The following RCL1 variants were observed in gnomAD, a reference collection of about 807,000 sequenced individuals.
The protein encoded by RCL1 is RNA terminal phosphate cyclase like 1.
A neutral mutation model predicts 42.4 loss-of-function variants in RCL1; 24 were observed. The ratio of observed to expected loss-of-function variants is 0.57; its 90% CI spans 0.41 to 0.80. The LOEUF is 0.80. RCL1 is among the 30% of genes least tolerant of loss of function. The pLI, the probability that RCL1 is intolerant of heterozygous loss-of-function variation, is 0.00. For synonymous variants in RCL1, 228 were observed against 177.3 expected, an observed-to-expected ratio of 1.29 and a Z score of -2.27; for missense variants, 578 against 467.9, an observed-to-expected ratio of 1.24 and a Z score of -2.17.
intron 7 of RCL1, among the ~76,000 whole-genome samples, chr9:4,849,111 A>G (rs1165947489): frequency 6.7e-6 from 1 of 148,542 alleles, no homozygotes; most frequent in Non-Finnish European, 1.5e-5. Flanking sequence ...TTTTTTGCAT[A>G]TACTCAATAA....
intron 1 of RCL1, among the ~76,000 whole-genome samples, chr9:4,800,363 C>G (rs1222582315): frequency 6.6e-6 from 1 of 151,864 alleles, no homozygotes; most frequent in East Asian, 1.9e-4. Flanking sequence ...TACAGGCACC[C>G]ACCACCATGC....
chr9:4,814,056 G>A (rs1052874480), intron 1 of RCL1, among the ~76,000 whole-genome samples: 3 of 151,936 alleles, frequency 2.0e-5, no homozygotes, highest in East Asian at 3.9e-4. Flanking sequence ...GGGGAATGAC[G>A]AGTTAATGGG....
chr9:4,815,530 G>A (rs1242560481), intron 1 of RCL1, among the ~76,000 whole-genome samples: 1 of 151,920 alleles, frequency 6.6e-6, no homozygotes, highest in Non-Finnish European at 1.5e-5. Context: ...TGGGGTAGGG[G>A]TAGGTGGAGT....
chr9:4,802,267 G>A (rs1224838937), intron 1 of RCL1, among the ~76,000 whole-genome samples: 3 of 151,950 alleles, frequency 2.0e-5, no homozygotes, highest in Admixed American at 2.0e-4. Context: ...GCTGTCTAAT[G>A]AGTCTTGAAG....
In RCL1 at chr9:4,812,260, A is replaced by G. The variant is rs77162281; in HGVS notation, c.137-11288A>G. On this transcript the variant is annotated intron_variant, in intron 1 of 8. Coordinates refer to ENST00000381750, the MANE Select transcript of RCL1 (RefSeq NM_005772.5). ...GGTCTTCTCCAGAAAATGTTTGCCC[A>G]GAGTAAACGTCCTGTAATGCTTCCC... Among the ~76,000 whole-genome samples the G allele has an allele frequency of 1.7e-3, 265 of 152,236 alleles. 1 individual carries two copies. The highest frequency in any genetic ancestry group is 3.2e-3 in the Admixed American group (49 of 15,280).
chr9:4,858,481 C>G (rs1238334377), intron 8 of RCL1, among the ~76,000 whole-genome samples: 1 of 152,082 alleles, frequency 6.6e-6, no homozygotes, highest in South Asian at 2.1e-4. Flanking sequence ...CTTTAGTGAA[C>G]TTTATAGTTT....
At chr9:4,827,137 G>T (rs1270999203) in intron 3 of RCL1, 104 bp downstream of exon 3, 5 of 1,565,616 alleles carry the variant, frequency 3.2e-6, no homozygotes, top group African/African-American at 1.4e-5. Flanking sequence ...TATTACAAAT[G>T]TATATTGCTT....
At chr9:4,820,903 G>A (rs910772039) in intron 1 of RCL1, among the ~76,000 whole-genome samples, 2 of 152,156 alleles carry the variant, frequency 1.3e-5, no homozygotes, top group African/African-American at 4.8e-5. Flanking sequence ...GTGTAAAACA[G>A]ACTGAAGTTT....
intron 1 of RCL1, among the ~76,000 whole-genome samples, chr9:4,822,249 C>G (rs913287516): frequency 6.6e-6 from 1 of 152,198 alleles, no homozygotes; most frequent in African/African-American, 2.4e-5. Context: ...GACTACTGGA[C>G]TGTGTCCATA....
chr9:4,824,186 A>G (rs1283393709), intron 2 of RCL1, among the ~76,000 whole-genome samples: 1 of 152,198 alleles, frequency 6.6e-6, no homozygotes, highest in Admixed American at 6.5e-5. Flanking sequence ...AATTCTATTT[A>G]TTTTAAATTT....
At chr9:4,815,522 G>T (rs1191301910) in intron 1 of RCL1, among the ~76,000 whole-genome samples, 1 of 152,010 alleles carries the variant, frequency 6.6e-6, no homozygotes, top group Non-Finnish European at 1.5e-5. Flanking sequence ...CAGTGGGGTG[G>T]GGTAGGGGTA....
At chr9:4,844,379 G>A (rs1219768213) in intron 6 of RCL1, 146 bp from the exon 7 acceptor site, 3 of 552,940 alleles carry the variant, frequency 5.4e-6, no homozygotes, top group Non-Finnish European at 9.5e-6. Context: ...TAAACTAGTA[G>A]CAACTCTATG....
chr9:4,810,163 C>T (rs1229104507), intron 1 of RCL1, among the ~76,000 whole-genome samples: 2 of 152,132 alleles, frequency 1.3e-5, no homozygotes, highest in East Asian at 3.8e-4. Context: ...TTTCTTTCAA[C>T]TTTGTTTTTC....
At chr9:4,814,067 T>G (rs191779597) in intron 1 of RCL1, among the ~76,000 whole-genome samples, 1 of 152,114 alleles carries the variant, frequency 6.6e-6, no homozygotes, top group Admixed American at 6.6e-5. Flanking sequence ...AGTTAATGGG[T>G]GCAGCACACC....
In RCL1 at chr9:4,857,931, C is replaced by CTTTTT. The variant is rs34470773; in HGVS notation, c.972-2179_972-2175dup. ...AGGAAATATCCGTTTAGCTCTCCCA[C>CTTTTT]TTTTTTTTTTTTTTTTTTTCAGTGA... On this transcript the variant is annotated intron_variant, in intron 8 of 8. Coordinates refer to ENST00000381750, the MANE Select transcript of RCL1 (RefSeq NM_005772.5). Among the ~76,000 whole-genome samples the CTTTTT allele has an allele frequency of 2.7e-3, 274 of 103,028 alleles. 23 individuals carry two copies. Among genetic ancestry groups the CTTTTT allele is most frequent in the African/African-American group, 9.7e-3 (249 of 25,646 alleles). 67.6% of individuals were successfully genotyped at this position (103,028 alleles called of 152,430 possible).
intron 3 of RCL1, among the ~76,000 whole-genome samples, chr9:4,828,548 T>TC (rs1365696749): frequency 6.6e-6 from 1 of 150,564 alleles, no homozygotes; most frequent in African/African-American, 2.4e-5. Flanking sequence ...AATTAAGTGT[T>TC]TTTTTTTTTT....
rs1041068552 is a variant in RCL1, at chr9:4,834,180, G to A, written c.499G>A (p.Val167Met). 1 of 1,613,802 alleles carries A rather than the reference G, an allele frequency of 6.2e-7. No homozygotes were observed. Among genetic ancestry groups the A allele is most frequent in the Non-Finnish European group, 8.5e-7 (1 of 1,179,792 alleles). The stretch of plus-strand genomic sequence containing the variant: ...AATGCCTCCCGGAGGAGGAGGCGAA[G>A]TGGTTTTCTCATGTCCTGTGAGGAA... The part of the protein sequence containing the change: ...RGMPPGGGGE[V>M]VFSCPVRKVL... The change falls in exon 5 of 9, where the codon GTG (valine) becomes ATG (methionine). Residue 167 changes from valine to methionine, a missense_variant. Physicochemically the swap from Val to Met is conservative, Grantham distance 21 (BLOSUM62 1). Coordinates refer to ENST00000381750, the MANE Select transcript of RCL1 (RefSeq NM_005772.5).
chr9:4,815,372 T>A (rs1816334011), intron 1 of RCL1, among the ~76,000 whole-genome samples: 2 of 152,212 alleles, frequency 1.3e-5, no homozygotes, highest in Non-Finnish European at 2.9e-5. Context: ...ATTTGTGTCT[T>A]ATGCTTGATC....
chr9:4,834,350 C>T (rs1308925320), intron 5 of RCL1, 85 bp downstream of exon 5: 2 of 1,447,382 alleles, frequency 1.4e-6, no homozygotes, highest in Non-Finnish European at 1.9e-6. Context: ...TTTACTTCTT[C>T]CCGAGGTTAT....
Sources: allele counts gnomAD v4.1 joint callset (sites outside exome capture counted in the v4.1 genomes callset), GRCh38; gene constraint gnomAD v4.1.1; transcripts MANE v1.5; gene names NCBI Gene and HGNC (gene_info 2026-07-23, HGNC 2026-07-21).